Variants in ANKS1B observed in about 807,000 individuals in gnomAD.
The protein encoded by ANKS1B is ankyrin repeat and sterile alpha motif domain-containing protein 1B.
In ANKS1B, 36 loss-of-function variants were observed where a neutral mutation model predicts 148.3. That is an observed-to-expected ratio of 0.24 (90% CI 0.19 to 0.32). The LOEUF (loss-of-function observed/expected upper bound fraction) is 0.32, where lower values mean the gene tolerates loss of function less well. Ranked by LOEUF, ANKS1B falls within the 10% of genes least tolerant of loss-of-function variation. The pLI is 1.00. For synonymous variants in ANKS1B, 542 were observed against 560.8 expected, an observed-to-expected ratio of 0.97 and a Z score of 0.47; for missense variants, 1,157 against 1,542.6, an observed-to-expected ratio of 0.75 and a Z score of 4.19.
chr12:99,951,871 G>A (rs577787485), intron 1 of ANKS1B, among the ~76,000 whole-genome samples: 3 of 152,260 alleles, frequency 2.0e-5, no homozygotes, highest in South Asian at 4.1e-4. Flanking sequence ...AGGAGACAGC[G>A]AGACTCTTTA....
At chr12:99,207,249 G>A (rs765573484) in intron 14 of ANKS1B, among the ~76,000 whole-genome samples, 3 of 152,114 alleles carry the variant, frequency 2.0e-5, no homozygotes, top group African/African-American at 4.8e-5. Flanking sequence ...GAAGCAATTC[G>A]AGCATGAATG....
chr12:99,253,226 G>GA (rs1196450299), intron 12 of ANKS1B, among the ~76,000 whole-genome samples: 190 of 138,840 alleles, frequency 1.4e-3, no homozygotes, highest in African/African-American at 2.2e-3. Flanking sequence ...ACCTTCTCTA[G>GA]AAAAAAAAAA....
intron 25 of ANKS1B, among the ~76,000 whole-genome samples, chr12:98,771,490 T>C (rs2098571065): frequency 6.6e-6 from 1 of 152,052 alleles, no homozygotes; most frequent in Admixed American, 6.6e-5. Flanking sequence ...TTTTTAAAAA[T>C]TGAGACAGGG....
chr12:99,349,195 G>A (rs2091109985), intron 12 of ANKS1B, among the ~76,000 whole-genome samples: 1 of 151,856 alleles, frequency 6.6e-6, no homozygotes, highest in South Asian at 2.1e-4. Context: ...AAAAGTAAAT[G>A]AGAAGGGAAC....
intron 25 of ANKS1B, among the ~76,000 whole-genome samples, chr12:98,772,608 TACTC>T (rs888333350): frequency 3.9e-5 from 6 of 152,098 alleles, no homozygotes; most frequent in Non-Finnish European, 8.8e-5. Flanking sequence ...TTGCGACACT[TACTC>T]ACTATCATGA....
intron 14 of ANKS1B, among the ~76,000 whole-genome samples, chr12:99,193,864 C>T (rs1311704256): frequency 8.2e-6 from 1 of 122,324 alleles, no homozygotes; most frequent in African/African-American, 3.1e-5. Flanking sequence ...TGCAGTGGTG[C>T]GATCTTGGTT....
intron 17 of ANKS1B, among the ~76,000 whole-genome samples, chr12:98,845,940 TG>T (rs1231072008): frequency 6.6e-6 from 1 of 151,622 alleles, no homozygotes; most frequent in African/African-American, 2.4e-5. Context: ...TTTTTTCTGT[TG>T]TTGGAGGTCT....
intron 17 of ANKS1B, among the ~76,000 whole-genome samples, chr12:98,941,410 C>G (rs919571053): frequency 2.6e-5 from 4 of 152,174 alleles, no homozygotes; most frequent in African/African-American, 9.7e-5. Flanking sequence ...AGAAAAGATA[C>G]TTGTTTACAG....
At chr12:99,244,282 AT>A in intron 14 of ANKS1B, 59 bp downstream of exon 14, 1 of 1,175,642 alleles carries the variant, frequency 8.5e-7, no homozygotes, top group Admixed American at 2.4e-5. Context: ...GATTCCTATC[AT>A]TTTCTCACTA....
chr12:98,776,219 T>C (rs1374368993), intron 24 of ANKS1B, among the ~76,000 whole-genome samples: 1 of 152,210 alleles, frequency 6.6e-6, no homozygotes, highest in African/African-American at 2.4e-5. Context: ...ATGGTAGACT[T>C]CCTCCTTGGA....
chr12:99,694,877 C>T (rs1017516112), intron 8 of ANKS1B, among the ~76,000 whole-genome samples: 1 of 152,184 alleles, frequency 6.6e-6, no homozygotes, highest in Admixed American at 6.5e-5. Flanking sequence ...CACTAAGAAG[C>T]TCATGCTTTC....
At chr12:99,562,219 G>T (rs1170738898) in intron 9 of ANKS1B, among the ~76,000 whole-genome samples, 1 of 152,104 alleles carries the variant, frequency 6.6e-6, no homozygotes, top group Non-Finnish European at 1.5e-5. Flanking sequence ...ATCCACCCAG[G>T]CTTGATTGTT....
chr12:99,384,483 A>T (rs2093776751), intron 12 of ANKS1B, among the ~76,000 whole-genome samples: 1 of 152,166 alleles, frequency 6.6e-6, no homozygotes, highest in South Asian at 2.1e-4. Context: ...AAAATAGAAG[A>T]ATCTCTGAAA....
At chr12:99,232,793 G>A (rs1304286893) in intron 14 of ANKS1B, among the ~76,000 whole-genome samples, 3 of 152,110 alleles carry the variant, frequency 2.0e-5, no homozygotes, top group Non-Finnish European at 4.4e-5. Context: ...GATAAGCAAG[G>A]TTTCCCAAGC....
chr12:99,759,290 C>G (rs150132774), intron 8 of ANKS1B, among the ~76,000 whole-genome samples: 1 of 152,050 alleles, frequency 6.6e-6, no homozygotes, highest in Non-Finnish European at 1.5e-5. Context: ...TTTTAAAAAT[C>G]TAAGCCTGAG....
chr12:99,967,669 G>C (rs563669280), intron 1 of ANKS1B, among the ~76,000 whole-genome samples: 11 of 152,228 alleles, frequency 7.2e-5, no homozygotes, highest in East Asian at 1.9e-4. Flanking sequence ...AGCACTTTGG[G>C]AGGCTGAGGC....
chr12:99,297,308 G>A (rs1421181376), intron 12 of ANKS1B, among the ~76,000 whole-genome samples: 1 of 152,064 alleles, frequency 6.6e-6, no homozygotes, highest in Non-Finnish European at 1.5e-5. Context: ...TCAATTTCTT[G>A]AGCCCTATCC....
intron 14 of ANKS1B, among the ~76,000 whole-genome samples, chr12:99,224,767 A>T (rs1342755511): frequency 6.6e-6 from 1 of 152,226 alleles, no homozygotes; most frequent in Non-Finnish European, 1.5e-5. Flanking sequence ...ACTCAGAAGG[A>T]TGAAGCAATG....
chr12:99,814,376 A>G (rs2068834856), intron 2 of ANKS1B, among the ~76,000 whole-genome samples: 1 of 151,738 alleles, frequency 6.6e-6, no homozygotes, highest in Non-Finnish European at 1.5e-5. Context: ...CACTATACCA[A>G]TAATAGCACT....
Sources: gnomAD v4.1 joint callset for allele counts (sites outside exome capture counted in the v4.1 genomes callset) on GRCh38, gnomAD v4.1.1 for gene constraint, MANE v1.5 for transcripts, NCBI Gene and HGNC (gene_info 2026-07-23, HGNC 2026-07-21) for gene names.